The following CDYL2 variants were observed in gnomAD, a reference collection of about 807,000 sequenced individuals.
The protein encoded by CDYL2 is chromodomain Y like 2.
CDYL2 carries 23 observed loss-of-function variants against 49.4 expected under a neutral mutation model. The ratio of observed to expected loss-of-function variants is 0.47; its 90% confidence interval spans 0.34 to 0.66. The LOEUF is 0.66. Among genes scored for constraint, CDYL2 ranks in the 30% least tolerant of loss-of-function variants. The probability of loss-of-function intolerance (pLI) is 0.01; values close to 1 mark genes in which losing one functional copy is unlikely to be tolerated. For synonymous variants in CDYL2, 360 were observed against 268.8 expected, an observed-to-expected ratio of 1.34 and a Z score of -3.32; for missense variants, 678 against 656.4, an observed-to-expected ratio of 1.03 and a Z score of -0.36.
chr16:80,606,108 T>C (rs1420638956), intron 6 of CDYL2, among the ~76,000 whole-genome samples: 3 of 152,224 alleles, frequency 2.0e-5, no homozygotes, highest in Non-Finnish European at 4.4e-5. Flanking sequence ...GGCAGCTCCC[T>C]GGCTCCAGCA....
intron 2 of CDYL2, among the ~76,000 whole-genome samples, chr16:80,648,682 GA>G (rs979901864): frequency 6.9e-6 from 1 of 145,308 alleles, no homozygotes; most frequent in African/African-American, 2.5e-5. Context: ...AAATCAGAAA[GA>G]AAAAAAATAA....
At chr16:80,717,999 C>G (rs1019495505) in intron 1 of CDYL2, among the ~76,000 whole-genome samples, 1 of 152,164 alleles carries the variant, frequency 6.6e-6, no homozygotes, top group Non-Finnish European at 1.5e-5. Flanking sequence ...TGCTGTCTCA[C>G]GCTGGGTGCT....
At chr16:80,619,321 T>C (rs912118477) in intron 4 of CDYL2, among the ~76,000 whole-genome samples, 6 of 152,238 alleles carry the variant, frequency 3.9e-5, no homozygotes, top group African/African-American at 1.4e-4. Flanking sequence ...CGTGGACATA[T>C]CTTTTGGGGG....
chr16:80,745,645 C>T (rs1194365373), intron 1 of CDYL2, among the ~76,000 whole-genome samples: 1 of 152,194 alleles, frequency 6.6e-6, no homozygotes, highest in East Asian at 1.9e-4. Flanking sequence ...GTTATTACTA[C>T]TACCACAAAG....
chr16:80,764,730 G>T (rs1349373376), intron 1 of CDYL2, among the ~76,000 whole-genome samples: 2 of 152,008 alleles, frequency 1.3e-5, no homozygotes, highest in African/African-American at 2.4e-5. Context: ...AATTAAGTGG[G>T]TCTGGGTCAA....
At chr16:80,778,743 C>G (rs545137389) in intron 1 of CDYL2, among the ~76,000 whole-genome samples, 1 of 152,048 alleles carries the variant, frequency 6.6e-6, no homozygotes, top group South Asian at 2.1e-4. Flanking sequence ...AAGAAATGGA[C>G]TTGAATTACC....
chr16:80,779,104 A>G (rs1907183460), intron 1 of CDYL2, among the ~76,000 whole-genome samples: 2 of 152,106 alleles, frequency 1.3e-5, no homozygotes, highest in African/African-American at 4.8e-5. Context: ...GAAGAAAAGA[A>G]GGAAGGAAGG....
intron 1 of CDYL2, among the ~76,000 whole-genome samples, chr16:80,687,180 T>C (rs10514506): frequency 0.43 from 64,979 of 152,054 alleles, 17,095 homozygotes; most frequent in Middle Eastern, 0.61. Context: ...ACAGCAGCAT[T>C]TGTGAGGACA....
intron 5 of CDYL2, among the ~76,000 whole-genome samples, chr16:80,610,918 C>T (rs1906566620): frequency 6.6e-6 from 1 of 152,140 alleles, no homozygotes; most frequent in Non-Finnish European, 1.5e-5. Flanking sequence ...ACAGAAGGCC[C>T]AGCACCCTCC....
intron 1 of CDYL2, among the ~76,000 whole-genome samples, chr16:80,763,672 A>G (rs573314850): frequency 5.3e-5 from 8 of 152,300 alleles, no homozygotes; most frequent in East Asian, 3.9e-4. Context: ...AAAGACTAAG[A>G]GAGGAAGGGA....
rs577588171 is a variant in CDYL2 at position 80,628,061 on chromosome 16, CA to C, written c.834+4957del. The C allele has an allele frequency of 2.0e-5, 3 of 152,314 alleles. No individual in the cohort carries two copies. In the South Asian group the frequency reaches 6.2e-4, roughly 32 times the overall value. The allele number at this position is 152,314 out of a possible 1,614,324, so 9.4% of individuals were successfully genotyped here. A position where few individuals can be genotyped will look rare whatever the true frequency, so the allele number is the denominator to read the frequency against. ...AAATCCAGTCACACCAGGCCTATCT[CA>C]AATGCAACCACCTTCAAGGGAGATT... On this transcript the variant is annotated intron_variant, in intron 3 of 6. Transcript: ENST00000570137.
chr16:80,749,613 T>C (rs1156237441), intron 1 of CDYL2, among the ~76,000 whole-genome samples: 1 of 152,058 alleles, frequency 6.6e-6, no homozygotes, highest in Non-Finnish European at 1.5e-5. Context: ...CTAAGGAAGG[T>C]AATCCAAATT....
At chr16:80,724,152 A>G (rs1905089931) in intron 1 of CDYL2, among the ~76,000 whole-genome samples, 2 of 150,584 alleles carry the variant, frequency 1.3e-5, no homozygotes, top group South Asian at 4.3e-4. Flanking sequence ...AAAGAAGAGA[A>G]AGAAGAAGAG....
At chr16:80,606,832 C>T (rs1487041440) in intron 6 of CDYL2, among the ~76,000 whole-genome samples, 1 of 151,412 alleles carries the variant, frequency 6.6e-6, no homozygotes, top group Non-Finnish European at 1.5e-5. Context: ...AAGGGGTTTC[C>T]CCTTTCACTT....
intron 1 of CDYL2, among the ~76,000 whole-genome samples, chr16:80,794,612 T>A (rs1190447347): frequency 2.1e-5 from 3 of 141,688 alleles, no homozygotes; most frequent in Non-Finnish European, 4.6e-5. Context: ...TTTTTTTTTT[T>A]TTTTTTTTTT....
intron 1 of CDYL2, among the ~76,000 whole-genome samples, chr16:80,696,019 T>G (rs1425114857): frequency 6.6e-6 from 1 of 152,214 alleles, no homozygotes; most frequent in African/African-American, 2.4e-5. Flanking sequence ...TCTCTACAAA[T>G]GCTTTAAAAA....
chr16:80,649,142 T>C (rs1908478721), intron 2 of CDYL2, among the ~76,000 whole-genome samples: 1 of 151,940 alleles, frequency 6.6e-6, no homozygotes, highest in Non-Finnish European at 1.5e-5. Context: ...CTAGCTAGAG[T>C]AATTAGACAA....
At chr16:80,703,379 A>G (rs1426249360) in intron 1 of CDYL2, among the ~76,000 whole-genome samples, 1 of 152,178 alleles carries the variant, frequency 6.6e-6, no homozygotes, top group Non-Finnish European at 1.5e-5. Context: ...GTCACATGGT[A>G]GAGGTACAGT....
intron 1 of CDYL2, among the ~76,000 whole-genome samples, chr16:80,764,369 G>C (rs577551492): frequency 1.3e-5 from 2 of 152,266 alleles, no homozygotes; most frequent in South Asian, 2.1e-4. Context: ...ACTGAGCCAT[G>C]TGTCTTATTC....
Sources: gnomAD v4.1 joint callset for allele counts (sites outside exome capture counted in the v4.1 genomes callset) on GRCh38, gnomAD v4.1.1 for gene constraint, MANE v1.5 for transcripts, NCBI Gene and HGNC (gene_info 2026-07-23, HGNC 2026-07-21) for gene names.